The following BTBD2 variants were observed in gnomAD, a reference collection of about 807,000 sequenced individuals.
BTBD2 encodes the protein BTB domain containing 2.
In BTBD2, 15 loss-of-function variants were observed where a neutral mutation model predicts 44.0. The observed-to-expected ratio is 0.34, with a 90% confidence interval of 0.23 to 0.53. The LOEUF (loss-of-function observed/expected upper bound fraction) is 0.53, where lower values mean the gene tolerates loss of function less well. Ranked by LOEUF, BTBD2 falls within the 20% of genes least tolerant of loss-of-function variation. The pLI, the probability that BTBD2 is intolerant of heterozygous loss-of-function variation, is 0.95. For synonymous variants in BTBD2, 443 were observed against 335.9 expected (o/e 1.32, Z -3.49); for missense variants, 657 against 746.4 (o/e 0.88, Z 1.39).
rs147228439 is a variant in BTBD2, at chr19:1,987,228, C to T, written c.1207G>A (p.Val403Met). The T allele has an allele frequency of 1.4e-5, 22 of 1,613,810 alleles. No homozygotes were observed. The highest frequency in any genetic ancestry group is 9.3e-5 in the African/African-American group (7 of 74,982). Reference sequence around the variant, plus strand: ...GATCCATACAGCCCAAATCCCACCACGAAGATGCGCTTGTTGACTGAGAAC... The same window carrying T: ...GATCCATACAGCCCAAATCCCACCATGAAGATGCGCTTGTTGACTGAGAAC... Reference protein sequence around the residue: ...IRFSVNKRIFVVGFGLYGSIH... With the variant: ...IRFSVNKRIFMVGFGLYGSIH... Residue 403 changes from valine to methionine, a missense_variant, in exon 7 of 9, where the codon GTG (valine) becomes ATG (methionine). Physicochemically the swap from Val to Met is conservative, Grantham distance 21. This residue lies in a region of BTBD2 where 449 missense variants were observed against 510.9 expected (regional missense o/e 0.88). Transcript: ENST00000255608.
Position 1,998,385 on chromosome 19 carries a change from G to A in BTBD2, c.408-922C>T, listed in dbSNP as rs182796115. Among the ~76,000 whole-genome samples the A allele has an allele frequency of 4.6e-5, 7 of 152,340 alleles. No individual in the cohort carries two copies. The East Asian group carries it at 9.6e-4, about 21-fold the overall frequency. On this transcript the variant is annotated intron_variant, in intron 1 of 8. Coordinates refer to ENST00000255608, the MANE Select transcript of BTBD2 (RefSeq NM_017797.4). ...CCTGTGGGGTCATCTGAGCCGCCAC[G>A]TCCATGGGGAAGGGCATGGAGGCCC...
At chr19:1,988,615 G>C (rs958185924) in intron 5 of BTBD2, 3 of 150,768 alleles carry the variant, frequency 2.0e-5, no homozygotes, top group East Asian at 1.9e-4. Context: ...CCCCAGGCTA[G>C]AGTGCAGGAC....
chr19:2,007,815 G>A lies in BTBD2; in HGVS notation c.407+7482C>T, dbSNP rs143006138. Among the ~76,000 whole-genome samples the A allele has an allele frequency of 7.6e-3, 1,139 of 150,574 alleles. 11 individuals are homozygous for A. The highest frequency in any genetic ancestry group is 0.026 in the African/African-American group (1,069 of 40,648). On this transcript the variant is annotated intron_variant, in intron 1 of 8. Coordinates refer to ENST00000255608, the MANE Select transcript of BTBD2 (RefSeq NM_017797.4). ...TGCACTTCAGCCTGGGCAACAGAGC[G>A]AGACTCTGTCTCAAAAAATAATAAA...
chr19:2,000,414 G>A (rs1330219568), intron 1 of BTBD2, among the ~76,000 whole-genome samples: 2 of 152,226 alleles, frequency 1.3e-5, no homozygotes, highest in African/African-American at 4.8e-5. Flanking sequence ...GAAAACCTTT[G>A]AGGAGGGTTC....
At chr19:2,001,972 G>A (rs978044211) in intron 1 of BTBD2, among the ~76,000 whole-genome samples, 13 of 152,094 alleles carry the variant, frequency 8.5e-5, no homozygotes, top group East Asian at 1.9e-4. Flanking sequence ...AACTCCTGAC[G>A]TCAGATGATC....
intron 3 of BTBD2, 33 bp downstream of exon 3, chr19:1,992,987 G>A: frequency 6.8e-7 from 1 of 1,466,756 alleles, no homozygotes. Flanking sequence ...GCCAGGCCTG[G>A]CCCCGCCCCC....
At chr19:1,989,583 A>G (rs2016143308) in intron 5 of BTBD2, 1 of 270,416 alleles carries the variant, frequency 3.7e-6, no homozygotes, top group African/African-American at 2.2e-5. Flanking sequence ...CTGCCCCTTC[A>G]CGTCACCCTG....
chr19:2,015,632 G>A lies in BTBD2; in HGVS notation c.72C>T (p.Gly24=). Residue 24 remains glycine, a synonymous_variant, in exon 1 of 9, where the codon GGC becomes GGT. Coordinates refer to ENST00000255608, the MANE Select transcript of BTBD2 (RefSeq NM_017797.4). The part of the protein sequence containing the change: ...PGVGVGPGTG[G]SPGPSANAAA... ...CGGCGTTGGCGCTGGGCCCGGGACT[G>A]CCCCCCGTGCCCGGGCCGACCCCGA... The A allele has an allele frequency of 1.0e-6, 1 of 981,946 alleles. No individual in the cohort carries two copies. The highest frequency in any genetic ancestry group is 1.2e-6 in the Non-Finnish European group (1 of 831,194). 60.8% of individuals were successfully genotyped at this position (981,946 alleles called of 1,614,324 possible). A position where few individuals can be genotyped will look rare whatever the true frequency, so the allele number is the denominator to read the frequency against.
In BTBD2 at chr19:1,990,818, C is replaced by T. The variant is rs1445705072; in HGVS notation, c.689G>A (p.Arg230Gln). ...GGCCAGCTGCGGTTCATCGAAGAGT[C>T]GCGCCTGGCAAGAGACATCGACGGG... The part of the protein sequence containing the change: ...DNAFMLLTQA[R>Q]LFDEPQLASL... The change falls in exon 4 of 9, where the codon CGA becomes CAA. Residue 230 changes from arginine (R) to glutamine (Q), a missense_variant. By Grantham distance (43) the Arg-to-Gln change is conservative (BLOSUM62 1). Coordinates refer to ENST00000255608, the MANE Select transcript of BTBD2 (RefSeq NM_017797.4). 2 of 1,566,474 alleles carry T rather than the reference C, an allele frequency of 1.3e-6. No individual in the cohort carries two copies. Among genetic ancestry groups the T allele is most frequent in the Non-Finnish European group, 1.7e-6 (2 of 1,158,606 alleles).
In BTBD2 at chr19:1,992,893, G is replaced by C. The variant is rs933082096; in HGVS notation, c.684+127C>G. On this transcript the variant is annotated intron_variant, in intron 3 of 8. Transcript: ENST00000255608. Reference sequence around the variant, plus strand: ...GGCCCAAAACACATTTTACTACCAGGCAGGAGCCTGCTGCCTCCCGGGCCC... The same window carrying C: ...GGCCCAAAACACATTTTACTACCAGCCAGGAGCCTGCTGCCTCCCGGGCCC... 1.4e-5 allele frequency: 13 copies of C among 942,154 alleles called. No individual in the cohort carries two copies. In the African/African-American group the frequency reaches 2.3e-4, roughly 17 times the overall value. The allele number at this position is 942,154 out of a possible 1,614,324, so 58.4% of individuals were successfully genotyped here.
chr19:2,013,848 C>A lies in BTBD2; in HGVS notation c.407+1449G>T, dbSNP rs768863435. Reference sequence around the variant, plus strand: ...AGGGAGCAAGGCCTAGGGGTCTTGGCGCACAGGGGTGCGGGTGGGAGTGGC... The same window carrying A: ...AGGGAGCAAGGCCTAGGGGTCTTGGAGCACAGGGGTGCGGGTGGGAGTGGC... On this transcript the variant is annotated intron_variant, in intron 1 of 8. Transcript: ENST00000255608. The A allele has an allele frequency of 2.9e-4, 45 of 157,084 alleles. No individual in the cohort carries two copies. In the Middle Eastern group the frequency reaches 0.013, roughly 44 times the overall value. The allele number at this position is 157,084 out of a possible 1,614,324, so 9.7% of individuals were successfully genotyped here. A position where few individuals can be genotyped will look rare whatever the true frequency, so the allele number is the denominator to read the frequency against.
Position 1,986,372 on chromosome 19 carries a change from G to T in BTBD2, c.*116C>A. 1 of 1,311,322 alleles carries T rather than the reference G, an allele frequency of 7.6e-7. No individual in the cohort carries two copies. The highest frequency in any genetic ancestry group is 1.1e-6 in the Non-Finnish European group (1 of 930,224). The allele number at this position is 1,311,322 out of a possible 1,614,324, so 81.2% of individuals were successfully genotyped here. A position where few individuals can be genotyped will look rare whatever the true frequency, so the allele number is the denominator to read the frequency against. ...TGAGAAAGGTGGCATGGAGTGGACAGACGGCCTGGGGGACACTGGGCCTGG... is the reference window on the plus strand; with the variant it reads ...TGAGAAAGGTGGCATGGAGTGGACATACGGCCTGGGGGACACTGGGCCTGG... On this transcript the variant is annotated 3_prime_UTR_variant, in exon 9 of 9. Coordinates refer to ENST00000255608, the MANE Select transcript of BTBD2 (RefSeq NM_017797.4).
chr19:2,011,791 G>T (rs1482694506), intron 1 of BTBD2, among the ~76,000 whole-genome samples: 2 of 151,920 alleles, frequency 1.3e-5, no homozygotes, highest in African/African-American at 4.8e-5. Flanking sequence ...TGAACACAAG[G>T]ACACAGGCCT....
At chr19:2,009,607 G>C (rs1309801657) in intron 1 of BTBD2, among the ~76,000 whole-genome samples, 1 of 151,910 alleles carries the variant, frequency 6.6e-6, no homozygotes, top group Non-Finnish European at 1.5e-5. Context: ...CCAGCACTTT[G>C]GGAGGCCGAG....
Position 2,015,710 on chromosome 19 carries a change from G to A in BTBD2, c.-7C>T. On this transcript the variant is annotated 5_prime_UTR_variant, in exon 1 of 9. Transcript: ENST00000255608. The stretch of plus-strand genomic sequence containing the variant: ...CGCTCCCACCCGCCGCCATTTTGTG[G>A]CTGCGGCGTGGGCGGGGGAGGGGAG... 1.1e-6 allele frequency: 1 copy of A among 946,570 alleles called. No homozygotes were observed. 58.6% of individuals were successfully genotyped at this position (946,570 alleles called of 1,614,324 possible).
intron 1 of BTBD2, among the ~76,000 whole-genome samples, chr19:2,011,723 A>C: frequency 6.7e-6 from 1 of 148,292 alleles, no homozygotes; most frequent in Non-Finnish European, 1.5e-5. Flanking sequence ...CTCCCCTTCC[A>C]CCTCTGCCAC....
chr19:2,013,305 T>C (rs1294782842), intron 1 of BTBD2, among the ~76,000 whole-genome samples: 3 of 150,998 alleles, frequency 2.0e-5, no homozygotes, highest in Non-Finnish European at 4.4e-5. Flanking sequence ...GACCGGGGAG[T>C]GGAGGGAACC....
chr19:1,993,583 G>C (rs1205913909), intron 2 of BTBD2, among the ~76,000 whole-genome samples: 1 of 151,998 alleles, frequency 6.6e-6, no homozygotes, highest in African/African-American at 2.4e-5. Flanking sequence ...ACCACTTCTG[G>C]GTGGATCATA....
At chr19:1,995,276 ATTCT>A (rs1375354889) in intron 2 of BTBD2, among the ~76,000 whole-genome samples, 12 of 99,026 alleles carry the variant, frequency 1.2e-4, no homozygotes, top group African/African-American at 5.1e-4. Flanking sequence ...CATACTTTGG[ATTCT>A]TTTTTTTTTT....
Sources: gnomAD v4.1 joint callset for allele counts (sites outside exome capture counted in the v4.1 genomes callset) on GRCh38, gnomAD v4.1.1 for gene constraint, gnomAD v4.1.1 regional missense constraint, MANE v1.5 for transcripts, NCBI Gene and HGNC (gene_info 2026-07-23, HGNC 2026-07-21) for gene names.